The following LINGO1 variants were observed in gnomAD, a reference collection of about 807,000 sequenced individuals.
LINGO1 encodes leucine rich repeat and Ig domain containing 1.
LINGO1 carries 11 observed loss-of-function variants against 37.3 expected under a neutral mutation model. The observed-to-expected ratio is 0.29, with a 90% CI of 0.19 to 0.49. LINGO1 has a LOEUF of 0.49. LINGO1 is among the 20% of genes least tolerant of loss of function. The pLI is 0.99. For synonymous variants in LINGO1, 387 were observed against 403.0 expected (o/e 0.96, Z 0.48); for missense variants, 585 against 878.2 (o/e 0.67, Z 4.22).
In LINGO1 at chr15:77,615,193, C is replaced by T. The variant is rs2271396; in HGVS notation, c.714G>A (p.Leu238=). 8.7e-6 allele frequency: 14 copies of T among 1,613,502 alleles called. 1 individual carries two copies. In the South Asian group the frequency reaches 1.5e-4, roughly 18 times the overall value. ...AGATCTCCAAGACCTTGAGTCGGTA[C>T]AGCCTCTTGAAGGAGTAGTCCCGGA... ...NAIRDYSFKR[L]YRLKVLEISH... The change falls in exon 2 of 2, where the codon CTG becomes CTA. Residue 238 remains leucine, a synonymous_variant. Coordinates refer to ENST00000355300, the MANE Select transcript of LINGO1 (RefSeq NM_032808.7).
chr15:77,641,972 C>G, intron 3 of LINGO1: 1 of 456,694 alleles, frequency 2.2e-6, no homozygotes, highest in South Asian at 1.5e-5. Context: ...GTCACCTGCC[C>G]TCTCTGAGCC....
At chr15:77,731,074 A>G (rs72746427) in intron 2 of LINGO1, among the ~76,000 whole-genome samples, 92 of 152,272 alleles carry the variant, frequency 6.0e-4, no homozygotes, top group Non-Finnish European at 1.1e-3. Context: ...TTGGCATTCA[A>G]TGTCTTAGCT....
At chr15:77,710,253 G>A (rs780931001) in intron 2 of LINGO1, among the ~76,000 whole-genome samples, 1 of 152,178 alleles carries the variant, frequency 6.6e-6, no homozygotes, top group Non-Finnish European at 1.5e-5. Flanking sequence ...CCTCAGCTCC[G>A]ACACCAAATG....
chr15:77,769,843 CT>C (rs1238298762), intron 1 of LINGO1, among the ~76,000 whole-genome samples: 1 of 152,206 alleles, frequency 6.6e-6, no homozygotes, highest in Non-Finnish European at 1.5e-5. Context: ...TCACAAAGAC[CT>C]GCCATGTCCT....
chr15:77,676,956 C>T (rs2075337928), intron 3 of LINGO1: 1 of 152,308 alleles, frequency 6.6e-6, no homozygotes, highest in Admixed American at 6.5e-5. Context: ...ACACTGTGTC[C>T]CCCACCATGG....
intron 2 of LINGO1, among the ~76,000 whole-genome samples, chr15:77,684,528 G>A (rs546174107): frequency 3.3e-5 from 5 of 152,266 alleles, no homozygotes; most frequent in South Asian, 2.1e-4. Flanking sequence ...GCCTTCCCCT[G>A]CAACTGCTCC....
intron 2 of LINGO1, among the ~76,000 whole-genome samples, chr15:77,702,650 C>T (rs752449568): frequency 6.6e-6 from 1 of 152,116 alleles, no homozygotes; most frequent in South Asian, 2.1e-4. Flanking sequence ...AGTTGCAGAC[C>T]GGCCCCATGG....
intron 2 of LINGO1, among the ~76,000 whole-genome samples, chr15:77,721,487 G>T (rs930323906): frequency 2.0e-4 from 30 of 152,248 alleles, no homozygotes; most frequent in African/African-American, 6.7e-4. Flanking sequence ...CCCCACATCT[G>T]CCCCTTGGTG....
rs2075355539 is a variant in LINGO1, at chr15:77,677,949, C to T, written c.-98-775G>A. ...TTAACCTGGCCCACAGGGCACTGCC[C>T]AACCCAGCCCTGACCTGTGGGCCAC... On this transcript the variant is annotated intron_variant, in intron 2 of 3. Coordinates refer to the LINGO1 transcript ENST00000559893. 5.3e-5 allele frequency among the ~76,000 whole-genome samples: 8 copies of T among 152,206 alleles called. No individual in the cohort carries two copies. In the South Asian group the frequency reaches 1.7e-3, roughly 32 times the overall value.
At chr15:77,780,772 T>TC (rs2076708634) in intron 1 of LINGO1, among the ~76,000 whole-genome samples, 2 of 150,630 alleles carry the variant, frequency 1.3e-5, no homozygotes, top group South Asian at 4.2e-4. Flanking sequence ...CTTGCTCTCC[T>TC]CCCCCCACCC....
chr15:77,626,955 C>A (rs1392933076), intron 1 of LINGO1, among the ~76,000 whole-genome samples: 1 of 129,580 alleles, frequency 7.7e-6, no homozygotes. Flanking sequence ...CCAGTCCCCG[C>A]CCCCCCAACC....
intron 1 of LINGO1, among the ~76,000 whole-genome samples, chr15:77,745,854 A>C (rs1011432641): frequency 3.3e-5 from 5 of 152,132 alleles, no homozygotes; most frequent in Non-Finnish European, 7.4e-5. Context: ...TGTGTGATGG[A>C]GGCTGGGGTG....
At chr15:77,686,842 G>T (rs2075519578) in intron 2 of LINGO1, among the ~76,000 whole-genome samples, 1 of 152,100 alleles carries the variant, frequency 6.6e-6, no homozygotes, top group South Asian at 2.1e-4. Context: ...CCTCAGCTCT[G>T]ATCACTTGGT....
chr15:77,706,702 A>G (rs1184115158), intron 2 of LINGO1, among the ~76,000 whole-genome samples: 1 of 152,224 alleles, frequency 6.6e-6, no homozygotes, highest in African/African-American at 2.4e-5. Context: ...CAGTCTCAGT[A>G]TGCCAGAAGC....
chr15:77,650,691 A>C (rs1343407989), intron 3 of LINGO1, among the ~76,000 whole-genome samples: 1 of 152,192 alleles, frequency 6.6e-6, no homozygotes, highest in Non-Finnish European at 1.5e-5. Flanking sequence ...TGCGGGCTGC[A>C]TCCAAAGTTG....
chr15:77,635,290 G>A (rs2074374979), upstream of LINGO1, among the ~76,000 whole-genome samples: 1 of 152,292 alleles, frequency 6.6e-6, no homozygotes, highest in South Asian at 2.1e-4. Flanking sequence ...CAATGGAAAC[G>A]ACGGGGAGCT....
intron 3 of LINGO1, chr15:77,666,816 AG>A (rs2141190302): frequency 6.6e-6 from 1 of 152,362 alleles, no homozygotes; most frequent in South Asian, 2.1e-4. Context: ...TGCCACTATG[AG>A]TTGTTGGATC....
chr15:77,658,314 G>A (rs1220232085), intron 3 of LINGO1, among the ~76,000 whole-genome samples: 3 of 152,346 alleles, frequency 2.0e-5, no homozygotes, highest in Admixed American at 6.5e-5. Context: ...TAGTACAGAT[G>A]GGAAACTGAG....
chr15:77,653,709 A>T (rs914172240), intron 3 of LINGO1, among the ~76,000 whole-genome samples: 3 of 151,998 alleles, frequency 2.0e-5, no homozygotes, highest in Non-Finnish European at 4.4e-5. Context: ...TCTCTACCCC[A>T]GAAGCAAAAG....
Sources: allele counts gnomAD v4.1 joint callset (sites outside exome capture counted in the v4.1 genomes callset), GRCh38; gene constraint gnomAD v4.1.1; transcripts MANE v1.5; gene names NCBI Gene and HGNC (gene_info 2026-07-23, HGNC 2026-07-21).